CAMKMT: variants seen among roughly 807,000 people sequenced by gnomAD.
CAMKMT encodes calmodulin-lysine N-methyltransferase.
A neutral mutation model predicts 48.0 loss-of-function variants in CAMKMT; 53 were observed. That is an observed-to-expected ratio of 1.10 (90% CI 0.89 to 1.39). The LOEUF (loss-of-function observed/expected upper bound fraction) is 1.39, where lower values mean the gene tolerates loss of function less well. Ranked by LOEUF, CAMKMT falls within the 40% of genes most tolerant of loss-of-function variation. The pLI is 0.00. For synonymous variants in CAMKMT, 165 were observed against 152.3 expected (o/e 1.08, Z -0.61); for missense variants, 428 against 402.7 (o/e 1.06, Z -0.54).
In CAMKMT at chr2:44,563,631, A is replaced by G. The variant is rs559816781; in HGVS notation, c.377-140652A>G. Among the ~76,000 whole-genome samples, 9 of 145,510 alleles carry G rather than the reference A, an allele frequency of 6.2e-5. No individual in the cohort carries two copies. The South Asian group carries it at 1.7e-3, about 28-fold the overall frequency. On this transcript the variant is annotated intron_variant, in intron 3 of 10. Transcript: ENST00000378494. Reference sequence around the variant, plus strand: ...AATGCTATCCCTCCCCCTTCCCCCCACCCCATGACAGGCCCTGGTGTGTGA... The same window carrying G: ...AATGCTATCCCTCCCCCTTCCCCCCGCCCCATGACAGGCCCTGGTGTGTGA...
chr2:44,394,669 T>G (rs544264380), intron 3 of CAMKMT, among the ~76,000 whole-genome samples: 1 of 152,138 alleles, frequency 6.6e-6, no homozygotes, highest in African/African-American at 2.4e-5. Context: ...CTCAGGTGAT[T>G]TACCCGCCAC....
chr2:44,666,468 C>A (rs1300720545), intron 3 of CAMKMT, among the ~76,000 whole-genome samples: 1 of 152,120 alleles, frequency 6.6e-6, no homozygotes, highest in Non-Finnish European at 1.5e-5. Context: ...AGCCTGGTGT[C>A]CTTAACTTCT....
At chr2:44,627,288 T>C (rs979239414) in intron 3 of CAMKMT, among the ~76,000 whole-genome samples, 1 of 152,178 alleles carries the variant, frequency 6.6e-6, no homozygotes, top group Non-Finnish European at 1.5e-5. Context: ...GATTATATGA[T>C]TTTATTAAGG....
At chr2:44,643,624 T>C (rs1673570425) in intron 3 of CAMKMT, among the ~76,000 whole-genome samples, 1 of 152,158 alleles carries the variant, frequency 6.6e-6, no homozygotes, top group Non-Finnish European at 1.5e-5. Context: ...TGGGAAAGAA[T>C]AAAATATTTC....
At chr2:44,448,004 T>C (rs980041323) in intron 3 of CAMKMT, among the ~76,000 whole-genome samples, 2 of 152,212 alleles carry the variant, frequency 1.3e-5, no homozygotes, top group Non-Finnish European at 2.9e-5. Context: ...TGCTAGAGAT[T>C]GTATTCTGTT....
chr2:44,476,402 C>T (rs1246379595), intron 3 of CAMKMT, among the ~76,000 whole-genome samples: 1 of 152,052 alleles, frequency 6.6e-6, no homozygotes, highest in Non-Finnish European at 1.5e-5. Flanking sequence ...AAATGGGATA[C>T]ATAGTGACTT....
In CAMKMT at chr2:44,415,150, G is replaced by A. The variant is rs558200247; in HGVS notation, c.376+24845G>A. On this transcript the variant is annotated intron_variant, in intron 3 of 10. Transcript: ENST00000378494. The stretch of plus-strand genomic sequence containing the variant: ...TGGTGATAGAGTGAGACTCCGTCTC[G>A]GAAAAAAGAAAAAAAATTCTGGGTA... Among the ~76,000 whole-genome samples the A allele has an allele frequency of 2.9e-3, 434 of 151,638 alleles. 4 individuals carry two copies. The highest frequency in any genetic ancestry group is 9.6e-3 in the African/African-American group (398 of 41,376).
chr2:44,738,977 C>A lies in CAMKMT; in HGVS notation c.624-4645C>A, dbSNP rs551665162. On this transcript the variant is annotated intron_variant, in intron 7 of 10. Coordinates refer to ENST00000378494, the MANE Select transcript of CAMKMT (RefSeq NM_024766.5). ...ATTAAGACCCTAGAACAGAACCATGCTAGTATATTCAGGAAAGCATAAGGA... is the reference window on the plus strand; with the variant it reads ...ATTAAGACCCTAGAACAGAACCATGATAGTATATTCAGGAAAGCATAAGGA... Among the ~76,000 whole-genome samples the A allele has an allele frequency of 3.9e-5, 6 of 152,208 alleles. No homozygotes were observed. The South Asian group carries it at 1.2e-3, about 32-fold the overall frequency.
intron 1 of CAMKMT, chr2:44,370,136 C>T (rs1679008161): frequency 2.0e-5 from 3 of 152,192 alleles, no homozygotes; most frequent in African/African-American, 7.2e-5. Flanking sequence ...CTTGTGAGCT[C>T]TCTGACGTTG....
intron 3 of CAMKMT, among the ~76,000 whole-genome samples, chr2:44,627,194 T>C (rs1672529494): frequency 6.6e-6 from 1 of 152,216 alleles, no homozygotes; most frequent in African/African-American, 2.4e-5. Flanking sequence ...AATTCAACCT[T>C]ACAGAATAGG....
chr2:44,369,659 G>T (rs1284947616), intron 1 of CAMKMT: 2 of 152,192 alleles, frequency 1.3e-5, no homozygotes, highest in Admixed American at 6.5e-5. Flanking sequence ...TTGGTGAACA[G>T]GAAGCTGCTG....
chr2:44,644,434 G>A (rs1373842452), intron 3 of CAMKMT, among the ~76,000 whole-genome samples: 3 of 152,118 alleles, frequency 2.0e-5, no homozygotes, highest in Non-Finnish European at 2.9e-5. Flanking sequence ...AAATTATCAC[G>A]TTTTCAAGTT....
intron 3 of CAMKMT, among the ~76,000 whole-genome samples, chr2:44,679,454 A>G (rs1367212416): frequency 1.3e-5 from 2 of 152,302 alleles, no homozygotes; most frequent in South Asian, 2.1e-4. Flanking sequence ...GGAGAACTGT[A>G]AAGTGACCAA....
At chr2:44,476,483 G>A (rs982211628) in intron 3 of CAMKMT, among the ~76,000 whole-genome samples, 3 of 151,882 alleles carry the variant, frequency 2.0e-5, no homozygotes, top group Non-Finnish European at 4.4e-5. Context: ...TCATTTTATT[G>A]TGTGATGATA....
chr2:44,461,925 C>T (rs1667868859), intron 3 of CAMKMT, among the ~76,000 whole-genome samples: 1 of 152,108 alleles, frequency 6.6e-6, no homozygotes, highest in Non-Finnish European at 1.5e-5. Context: ...CACATCACAT[C>T]GAGCTCATAC....
chr2:44,646,630 C>T (rs1169515656), intron 3 of CAMKMT, among the ~76,000 whole-genome samples: 1 of 152,122 alleles, frequency 6.6e-6, no homozygotes, highest in Admixed American at 6.5e-5. Context: ...TTAAGCTAGC[C>T]TAGAAAATCT....
At chr2:44,758,288 T>C (rs1573241605) in intron 9 of CAMKMT, among the ~76,000 whole-genome samples, 1 of 152,250 alleles carries the variant, frequency 6.6e-6, no homozygotes, top group South Asian at 2.1e-4. Context: ...CTGCCTTTCA[T>C]TTTCTATACT....
chr2:44,464,026 G>C (rs748568277), intron 3 of CAMKMT, among the ~76,000 whole-genome samples: 28 of 150,994 alleles, frequency 1.9e-4, no homozygotes, highest in Non-Finnish European at 2.2e-4. Context: ...ACCTGAAAAA[G>C]AATTTATGAT....
intron 7 of CAMKMT, among the ~76,000 whole-genome samples, chr2:44,742,910 A>G (rs898950069): frequency 6.6e-6 from 1 of 152,216 alleles, no homozygotes; most frequent in African/African-American, 2.4e-5. Context: ...GTGCTGTGGT[A>G]AGACGAATCA....
Sources: allele counts gnomAD v4.1 joint callset (sites outside exome capture counted in the v4.1 genomes callset), GRCh38; gene constraint gnomAD v4.1.1; transcripts MANE v1.5; gene names NCBI Gene and HGNC (gene_info 2026-07-23, HGNC 2026-07-21).